BAZ1B: variants seen among roughly 807,000 people sequenced by gnomAD.
The protein encoded by BAZ1B is tyrosine-protein kinase BAZ1B.
BAZ1B carries 22 observed loss-of-function variants against 153.8 expected under a neutral mutation model. The ratio of observed to expected loss-of-function variants is 0.14; its 90% CI spans 0.10 to 0.20. The LOEUF is 0.20. Ranked by LOEUF, BAZ1B falls within the 10% of genes least tolerant of loss-of-function variation. BAZ1B has a pLI of 1.00. For missense variants in BAZ1B, 1,325 were observed against 1,799.3 expected (o/e 0.74, Z 4.77); for synonymous variants, 676 against 633.4 (o/e 1.07, Z -1.01).
chr7:73,479,627 CA>C (rs1554573421), intron 6 of BAZ1B, among the ~76,000 whole-genome samples: 1 of 151,970 alleles, frequency 6.6e-6, no homozygotes, highest in Non-Finnish European at 1.5e-5. Flanking sequence ...TACAATCCTT[CA>C]ATCTCACCAG....
intron 4 of BAZ1B, 127 bp from the exon 5 acceptor site, chr7:73,493,048 C>A: frequency 2.0e-6 from 2 of 983,030 alleles, no homozygotes; most frequent in Non-Finnish European, 2.9e-6. Flanking sequence ...AAAAATGAAT[C>A]ATAATGTCCT....
Position 73,521,980 on chromosome 7 carries a change from G to A in BAZ1B, c.-47C>T, listed in dbSNP as rs1791076695. The A allele has an allele frequency of 3.0e-6, 4 of 1,318,362 alleles. No homozygotes were observed. Among genetic ancestry groups the A allele is most frequent in the Non-Finnish European group, 3.9e-6 (4 of 1,026,206 alleles). The allele number at this position is 1,318,362 out of a possible 1,614,324, so 81.7% of individuals were successfully genotyped here. ...TGGCGGCTGCTGGGGCCGGCCCCGCGGCGCAGCACTAGGCCCCGCGGCCCG... is the reference window on the plus strand; with the variant it reads ...TGGCGGCTGCTGGGGCCGGCCCCGCAGCGCAGCACTAGGCCCCGCGGCCCG... On this transcript the variant is annotated 5_prime_UTR_variant, in exon 1 of 20. Transcript: ENST00000339594.
chr7:73,444,096 C>G lies in BAZ1B; in HGVS notation c.3878G>C (p.Ser1293Thr), dbSNP rs781995337. The change falls in exon 17 of 20, where the codon AGC becomes ACC. Residue 1293 changes from serine (S) to threonine (T), a missense_variant. Physicochemically the swap from Ser to Thr is moderately conservative, Grantham distance 58. This residue lies in a region of BAZ1B where 271 missense variants were observed against 337.2 expected (regional missense o/e 0.80). Coordinates refer to ENST00000339594, the MANE Select transcript of BAZ1B (RefSeq NM_032408.4). ...TGACCTTGCTGCAGGGGGGATGACGCTGTGCTTGCCCCGGATGGTCTTTCG... is the reference window on the plus strand; with the variant it reads ...TGACCTTGCTGCAGGGGGGATGACGGTGTGCTTGCCCCGGATGGTCTTTCG... ...RPRKTIRGKH[S>T]VIPPAARSGR... 2.2e-5 allele frequency: 36 copies of G among 1,610,408 alleles called. No individual in the cohort carries two copies. The highest frequency in any genetic ancestry group is 3.1e-5 in the Non-Finnish European group (36 of 1,178,620).
intron 3 of BAZ1B, among the ~76,000 whole-genome samples, chr7:73,507,552 G>A (rs111672537): frequency 1.5e-4 from 23 of 151,260 alleles, no homozygotes; most frequent in South Asian, 6.3e-4. Flanking sequence ...CCCTGTCTCC[G>A]AAAAATAAAA....
At chr7:73,498,802 G>A (rs893893137) in intron 3 of BAZ1B, 104 bp from the exon 4 acceptor site, 3 of 990,308 alleles carry the variant, frequency 3.0e-6, no homozygotes, top group Admixed American at 2.4e-5. Flanking sequence ...ACTAACAAAA[G>A]GTGATTGAAA....
chr7:73,511,951 A>C (rs1032437340), intron 1 of BAZ1B, among the ~76,000 whole-genome samples: 3 of 147,512 alleles, frequency 2.0e-5, no homozygotes, highest in African/African-American at 7.6e-5. Context: ...GAATCACTTG[A>C]ACCTGGGAGG....
chr7:73,467,220 C>T (rs1365851233), intron 9 of BAZ1B, among the ~76,000 whole-genome samples: 3 of 152,064 alleles, frequency 2.0e-5, no homozygotes, highest in Non-Finnish European at 2.9e-5. Context: ...GTGTGAGCTA[C>T]CACGCCCGGC....
intron 5 of BAZ1B, among the ~76,000 whole-genome samples, chr7:73,491,680 G>C (rs1789650316): frequency 6.6e-6 from 1 of 152,144 alleles, no homozygotes; most frequent in African/African-American, 2.4e-5. Flanking sequence ...CCAACAGTCA[G>C]AATGGAATCG....
chr7:73,505,476 G>T (rs1415478489), intron 3 of BAZ1B, among the ~76,000 whole-genome samples: 10 of 152,150 alleles, frequency 6.6e-5, no homozygotes, highest in African/African-American at 2.2e-4. Context: ...TACTACTAAA[G>T]TGTTGTACCT....
At chr7:73,513,892 T>C (rs1394153928) in intron 1 of BAZ1B, among the ~76,000 whole-genome samples, 4 of 151,834 alleles carry the variant, frequency 2.6e-5, no homozygotes, top group Admixed American at 6.6e-5. Context: ...AAACTCACTG[T>C]GTCATCAGAG....
At chr7:73,482,249 G>C (rs1789231776) in intron 6 of BAZ1B, among the ~76,000 whole-genome samples, 1 of 152,104 alleles carries the variant, frequency 6.6e-6, no homozygotes, top group Non-Finnish European at 1.5e-5. Flanking sequence ...AATAAGCCAA[G>C]ATAACTTATT....
At chr7:73,495,679 A>G (rs1395117191) in intron 4 of BAZ1B, among the ~76,000 whole-genome samples, 2 of 152,240 alleles carry the variant, frequency 1.3e-5, no homozygotes, top group African/African-American at 4.8e-5. Flanking sequence ...GTACACATAC[A>G]CCATGGAATA....
chr7:73,447,844 G>A (rs1279296504), intron 15 of BAZ1B, among the ~76,000 whole-genome samples: 1 of 152,222 alleles, frequency 6.6e-6, no homozygotes, highest in Non-Finnish European at 1.5e-5. Context: ...ACAGCTTGCA[G>A]ATGACCATAA....
intron 6 of BAZ1B, among the ~76,000 whole-genome samples, chr7:73,486,109 T>C (rs574895692): frequency 3.9e-5 from 6 of 152,328 alleles, no homozygotes; most frequent in African/African-American, 1.2e-4. Flanking sequence ...AGTTACCTAT[T>C]ATATGCAACA....
At chr7:73,468,098 A>G (rs1327953593) in intron 9 of BAZ1B, among the ~76,000 whole-genome samples, 1 of 152,254 alleles carries the variant, frequency 6.6e-6, no homozygotes, top group Non-Finnish European at 1.5e-5. Flanking sequence ...AAAAATAAAG[A>G]TTTATCGAAG....
intron 13 of BAZ1B, among the ~76,000 whole-genome samples, chr7:73,452,520 G>A (rs1273466420): frequency 1.3e-5 from 2 of 151,970 alleles, no homozygotes; most frequent in Admixed American, 6.6e-5. Context: ...TCAGGAGTTC[G>A]AGACCAGCCT....
chr7:73,521,067 C>T (rs1035079261), intron 1 of BAZ1B, among the ~76,000 whole-genome samples: 1 of 152,122 alleles, frequency 6.6e-6, no homozygotes, highest in Admixed American at 6.6e-5. Context: ...ATTTCATGTT[C>T]CTAAAATACA....
At chr7:73,466,598 T>C (rs1788595593) in intron 9 of BAZ1B, among the ~76,000 whole-genome samples, 197 bp from the exon 10 acceptor site, 1 of 152,204 alleles carries the variant, frequency 6.6e-6, no homozygotes, top group South Asian at 2.1e-4. Flanking sequence ...ATCTCAGATA[T>C]TTGCTCTCTG....
chr7:73,476,321 T>C (rs1788998508), intron 7 of BAZ1B, among the ~76,000 whole-genome samples: 1 of 152,226 alleles, frequency 6.6e-6, no homozygotes, highest in Admixed American at 6.5e-5. Context: ...TATTTCTTAA[T>C]AAAGCTGCTT....
Sources: allele counts gnomAD v4.1 joint callset (sites outside exome capture counted in the v4.1 genomes callset), GRCh38; gene constraint gnomAD v4.1.1; regional missense constraint gnomAD v4.1.1; transcripts MANE v1.5; gene names NCBI Gene and HGNC (gene_info 2026-07-23, HGNC 2026-07-21).